The following AK5 variants were observed in gnomAD, a reference collection of about 807,000 sequenced individuals.
The protein encoded by AK5 is adenylate kinase isoenzyme 5.
AK5 carries 27 observed loss-of-function variants against 69.5 expected under a neutral mutation model. The observed-to-expected ratio is 0.39, with a 90% CI of 0.29 to 0.54. The LOEUF is 0.54. Among genes scored for constraint, AK5 ranks in the 20% least tolerant of loss-of-function variants. The probability of loss-of-function intolerance (pLI) is 0.71; values close to 1 mark genes in which losing one functional copy is unlikely to be tolerated. For missense variants in AK5, 531 were observed against 700.4 expected, an observed-to-expected ratio of 0.76 and a Z score of 2.73; for synonymous variants, 260 against 244.4, an observed-to-expected ratio of 1.06 and a Z score of -0.60.
chr1:77,434,811 A>G (rs79839192), intron 8 of AK5, among the ~76,000 whole-genome samples: 3,010 of 152,288 alleles, frequency 0.02, 107 homozygotes, highest in African/African-American at 0.069. Context: ...AAACTACTTG[A>G]ATTTAATCAG....
intron 6 of AK5, among the ~76,000 whole-genome samples, chr1:77,372,768 T>TGC (rs72270793): frequency 2.0e-4 from 27 of 134,756 alleles, no homozygotes; most frequent in Non-Finnish European, 3.0e-4. Flanking sequence ...TGTGTGTGTG[T>TGC]GTGCGTGTGT....
chr1:77,473,007 A>C (rs1168463491), intron 8 of AK5, among the ~76,000 whole-genome samples: 2 of 152,076 alleles, frequency 1.3e-5, no homozygotes, highest in Admixed American at 1.3e-4. Flanking sequence ...TGATCTTCCC[A>C]TCTCAGGATC....
intron 10 of AK5, among the ~76,000 whole-genome samples, chr1:77,516,496 T>C (rs1570294097): frequency 6.6e-6 from 1 of 152,292 alleles, no homozygotes; most frequent in Non-Finnish European, 1.5e-5. Context: ...ACAATATATA[T>C]GTATATCAAA....
intron 13 of AK5, among the ~76,000 whole-genome samples, chr1:77,539,202 C>T (rs932195217): frequency 2.5e-4 from 38 of 152,338 alleles, no homozygotes; most frequent in Middle Eastern, 6.8e-3. Flanking sequence ...CACGTTGGTT[C>T]GGCCTGTTGG....
chr1:77,335,355 T>C (rs1661291453), intron 5 of AK5, among the ~76,000 whole-genome samples: 1 of 149,404 alleles, frequency 6.7e-6, no homozygotes, highest in Non-Finnish European at 1.5e-5. Context: ...TACTTCCATG[T>C]AGACAAAAGT....
chr1:77,351,180 G>A (rs1023752214), intron 6 of AK5, among the ~76,000 whole-genome samples: 6 of 152,168 alleles, frequency 3.9e-5, no homozygotes, highest in Non-Finnish European at 1.5e-5. Context: ...GATTGCTTGA[G>A]GCCAGGAATT....
intron 6 of AK5, among the ~76,000 whole-genome samples, chr1:77,341,314 T>C (rs1661641029): frequency 6.6e-6 from 1 of 152,144 alleles, no homozygotes; most frequent in Non-Finnish European, 1.5e-5. Context: ...AAGAGGATAA[T>C]GGGTCATCTG....
chr1:77,417,858 GT>G, intron 8 of AK5, 143 bp downstream of exon 8: 1 of 542,172 alleles, frequency 1.8e-6, no homozygotes, highest in Non-Finnish European at 3.2e-6. Context: ...ATAAATTACA[GT>G]AGTCTACAGT....
At chr1:77,327,320 G>A (rs2100342650) in intron 5 of AK5, among the ~76,000 whole-genome samples, 1 of 149,068 alleles carries the variant, frequency 6.7e-6, no homozygotes, top group Middle Eastern at 3.5e-3. Context: ...GAGCCAAAGA[G>A]TTTGAGACTG....
chr1:77,479,523 G>A (rs76682681), intron 8 of AK5, among the ~76,000 whole-genome samples: 1,552 of 152,196 alleles, frequency 0.01, 35 homozygotes, highest in East Asian at 0.079. Context: ...GTCTTTTGGT[G>A]TTAGTGGGTT....
intron 6 of AK5, among the ~76,000 whole-genome samples, chr1:77,364,359 T>C (rs1646915122): frequency 6.6e-6 from 1 of 152,246 alleles, no homozygotes. Flanking sequence ...CAAACATTAA[T>C]CATTTCTTTG....
intron 8 of AK5, among the ~76,000 whole-genome samples, chr1:77,423,546 G>A (rs1650993258): frequency 6.6e-6 from 1 of 151,960 alleles, no homozygotes; most frequent in South Asian, 2.1e-4. Context: ...GAGGTTACAG[G>A]ACAAACCCTT....
intron 6 of AK5, among the ~76,000 whole-genome samples, chr1:77,367,930 ATATATAATATATATGT>A (rs1490798419): frequency 1.2e-4 from 5 of 42,274 alleles, no homozygotes; most frequent in African/African-American, 2.7e-4. Flanking sequence ...GATATATATT[ATATATAATATATATGT>A]TATATATATA....
chr1:77,425,821 A>G (rs1651171103), intron 8 of AK5, among the ~76,000 whole-genome samples: 1 of 152,206 alleles, frequency 6.6e-6, no homozygotes, highest in Admixed American at 6.5e-5. Context: ...GCAATGATAC[A>G]AAGAACAGAA....
intron 5 of AK5, among the ~76,000 whole-genome samples, chr1:77,317,138 G>A (rs911551105): frequency 2.0e-5 from 3 of 152,126 alleles, no homozygotes; most frequent in Admixed American, 6.5e-5. Flanking sequence ...TTCTCAATCT[G>A]TATACCTCAT....
intron 8 of AK5, among the ~76,000 whole-genome samples, chr1:77,477,002 T>TTG (rs1639952169): frequency 1.5e-5 from 1 of 65,748 alleles, no homozygotes; most frequent in Non-Finnish European, 3.1e-5. Context: ...TTGTTCTTTT[T>TTG]AGTGTGTGTG....
At chr1:77,448,946 C>A (rs770934135) in intron 8 of AK5, among the ~76,000 whole-genome samples, 3 of 152,156 alleles carry the variant, frequency 2.0e-5, no homozygotes, top group Non-Finnish European at 4.4e-5. Context: ...TGGGAACCTC[C>A]GCCTATATTT....
chr1:77,449,710 C>T (rs1653015921), intron 8 of AK5, among the ~76,000 whole-genome samples: 1 of 152,120 alleles, frequency 6.6e-6, no homozygotes, highest in Non-Finnish European at 1.5e-5. Flanking sequence ...TTGTAACTCC[C>T]ACAATTCCTG....
chr1:77,400,707 A>G (rs926578143), intron 6 of AK5, among the ~76,000 whole-genome samples: 3 of 152,124 alleles, frequency 2.0e-5, no homozygotes, highest in Non-Finnish European at 4.4e-5. Flanking sequence ...AAATATCACA[A>G]CAATTTTCTC....
Sources: allele counts gnomAD v4.1 joint callset (sites outside exome capture counted in the v4.1 genomes callset), GRCh38; gene constraint gnomAD v4.1.1; transcripts MANE v1.5; gene names NCBI Gene and HGNC (gene_info 2026-07-23, HGNC 2026-07-21).